FRZB: variants seen among roughly 807,000 people sequenced by gnomAD.
FRZB encodes secreted frizzled-related protein 3.
FRZB carries 34 observed loss-of-function variants against 32.5 expected under a neutral mutation model. That is an observed-to-expected ratio of 1.05 (90% CI 0.80 to 1.39). The LOEUF is 1.39. FRZB is among the 40% of genes most tolerant of loss of function. FRZB has a pLI of 0.00. For synonymous variants in FRZB, 170 were observed against 159.2 expected (o/e 1.07, Z -0.51); for missense variants, 423 against 424.8 (o/e 1.00, Z 0.04).
chr2:182,866,632 G>A lies in FRZB; in HGVS notation c.-80C>T. 9.8e-7 allele frequency: 1 copy of A among 1,019,272 alleles called. No individual in the cohort carries two copies. The highest frequency in any genetic ancestry group is 1.4e-6 in the Non-Finnish European group (1 of 730,146). The allele number at this position is 1,019,272 out of a possible 1,614,324, so 63.1% of individuals were successfully genotyped here. Reference sequence around the variant, plus strand: ...CTCCGCCGTCTCCGCCTCCCCCGCTGCAAGTGGACACAAGGATCTGGGAGC... The same window carrying A: ...CTCCGCCGTCTCCGCCTCCCCCGCTACAAGTGGACACAAGGATCTGGGAGC... On this transcript the variant is annotated 5_prime_UTR_variant, in exon 1 of 6. Transcript: ENST00000295113. This position sits in a 1 kb window ranked among gnomAD's most constrained non-coding sequence, Gnocchi z 4.5.
At chr2:182,860,112 G>A (rs944599402) in intron 1 of FRZB, among the ~76,000 whole-genome samples, 2 of 152,080 alleles carry the variant, frequency 1.3e-5, no homozygotes, top group African/African-American at 4.8e-5. Context: ...CTTGGTGAAA[G>A]GGAATCACTT....
In FRZB at chr2:182,835,096, A is replaced by G. The variant is rs1695509354; in HGVS notation, c.862-131T>C. ...TTTTGCTACTTTTCCAAAAGTATCA[A>G]TCTATTTCCCAGGGTAACAAGAAAA... On this transcript the variant is annotated intron_variant, in intron 5 of 5. Coordinates refer to ENST00000295113, the MANE Select transcript of FRZB (RefSeq NM_001463.4). 3 of 678,870 alleles carry G rather than the reference A, an allele frequency of 4.4e-6. No individual in the cohort carries two copies. In the South Asian group the frequency reaches 5.4e-5, roughly 12 times the overall value. 42.1% of individuals were successfully genotyped at this position (678,870 alleles called of 1,614,324 possible).
At chr2:182,861,528 A>G (rs1656845289) in intron 1 of FRZB, among the ~76,000 whole-genome samples, 1 of 152,234 alleles carries the variant, frequency 6.6e-6, no homozygotes, top group Non-Finnish European at 1.5e-5. Context: ...CAGTAACTTC[A>G]TATTACTATT....
chr2:182,855,535 G>C (rs1695758512), intron 2 of FRZB, among the ~76,000 whole-genome samples: 1 of 152,134 alleles, frequency 6.6e-6, no homozygotes. Flanking sequence ...GAGAGTAGGA[G>C]ATTGAACAAG....
chr2:182,858,863 T>C (rs1339855315), intron 1 of FRZB, 30 bp from the exon 2 acceptor site: 2 of 1,544,856 alleles, frequency 1.3e-6, no homozygotes, highest in Non-Finnish European at 1.8e-6. Flanking sequence ...AAAAGAACTA[T>C]AACATATCTA....
At chr2:182,854,239 T>C (rs539975786) in intron 2 of FRZB, among the ~76,000 whole-genome samples, 4 of 152,302 alleles carry the variant, frequency 2.6e-5, no homozygotes, top group African/African-American at 9.6e-5. Flanking sequence ...ACATTTATGA[T>C]TTGTGCACTT....
At chr2:182,861,043 A>G (rs1159728355) in intron 1 of FRZB, among the ~76,000 whole-genome samples, 1 of 152,130 alleles carries the variant, frequency 6.6e-6, no homozygotes, top group African/African-American at 2.4e-5. Context: ...GGAATGTATA[A>G]TCTCTACTAT....
At chr2:182,847,135 A>G (rs1322349140) in intron 2 of FRZB, among the ~76,000 whole-genome samples, 1 of 152,230 alleles carries the variant, frequency 6.6e-6, no homozygotes. Context: ...GAACAAAGAA[A>G]GTACACACAA....
Position 182,842,098 on chromosome 2 carries a change from T to C in FRZB, c.592+380A>G, listed in dbSNP as rs149198219. On this transcript the variant is annotated intron_variant, in intron 3 of 5. Transcript: ENST00000295113. Reference sequence around the variant, plus strand: ...GAGTCTTTTAACAGTTCCTTATGCATCAAAGTGCTCTGCTGTTCACTCAGT... The same window carrying C: ...GAGTCTTTTAACAGTTCCTTATGCACCAAAGTGCTCTGCTGTTCACTCAGT... Among the ~76,000 whole-genome samples, 22 of 152,272 alleles carry C rather than the reference T, an allele frequency of 1.4e-4. No homozygotes were observed. In the East Asian group the frequency reaches 4.3e-3, roughly 29 times the overall value.
At chr2:182,846,334 G>A (rs1695640299) in intron 2 of FRZB, among the ~76,000 whole-genome samples, 1 of 152,144 alleles carries the variant, frequency 6.6e-6, no homozygotes, top group African/African-American at 2.4e-5. Context: ...ATCCAGAGGT[G>A]TAAGACTATA....
intron 3 of FRZB, among the ~76,000 whole-genome samples, chr2:182,842,143 A>G (rs1172231754): frequency 6.6e-6 from 1 of 152,140 alleles, no homozygotes; most frequent in Non-Finnish European, 1.5e-5. Context: ...CTGATGGCCT[A>G]TGCAACCCAA....
At chr2:182,855,228 G>C (rs1290012693) in intron 2 of FRZB, among the ~76,000 whole-genome samples, 1 of 151,994 alleles carries the variant, frequency 6.6e-6, no homozygotes, top group African/African-American at 2.4e-5. Flanking sequence ...AAGTAAACAA[G>C]ACCCAAAGCT....
At chr2:182,854,280 A>C (rs750397190) in intron 2 of FRZB, among the ~76,000 whole-genome samples, 2 of 152,172 alleles carry the variant, frequency 1.3e-5, no homozygotes, top group Non-Finnish European at 2.9e-5. Context: ...TTAATGGTTT[A>C]TTTTATGGTA....
chr2:182,847,599 G>A (rs1215721274), intron 2 of FRZB, among the ~76,000 whole-genome samples: 1 of 152,064 alleles, frequency 6.6e-6, no homozygotes, highest in East Asian at 1.9e-4. Context: ...AGGAGAGAAA[G>A]GTACTGATAT....
chr2:182,860,238 C>T (rs1451821587), intron 1 of FRZB, among the ~76,000 whole-genome samples: 1 of 152,032 alleles, frequency 6.6e-6, no homozygotes, highest in Non-Finnish European at 1.5e-5. Flanking sequence ...AGACAGAAAA[C>T]AAAAATTTTC....
intron 2 of FRZB, among the ~76,000 whole-genome samples, chr2:182,850,212 C>T (rs1192967651): frequency 2.0e-5 from 3 of 152,126 alleles, no homozygotes; most frequent in African/African-American, 7.2e-5. Flanking sequence ...CCACATTAAA[C>T]ATTCCTCTTT....
intron 2 of FRZB, among the ~76,000 whole-genome samples, chr2:182,856,877 C>A (rs1319563173): frequency 1.3e-5 from 2 of 151,390 alleles, no homozygotes; most frequent in African/African-American, 4.9e-5. Flanking sequence ...GACCTAATCA[C>A]CCTTCTCTCG....
rs960075732 is a variant in FRZB, at chr2:182,866,605, C to T, written c.-53G>A. 69 of 1,273,732 alleles carry T rather than the reference C, an allele frequency of 5.4e-5. No individual in the cohort carries two copies. The African/African-American group carries it at 8.6e-4, about 16-fold the overall frequency. The allele number at this position is 1,273,732 out of a possible 1,614,324, so 78.9% of individuals were successfully genotyped here. A position where few individuals can be genotyped will look rare whatever the true frequency, so the allele number is the denominator to read the frequency against. On this transcript the variant is annotated 5_prime_UTR_variant, in exon 1 of 6. Coordinates refer to ENST00000295113, the MANE Select transcript of FRZB (RefSeq NM_001463.4). The surrounding 1 kb of genome is among the most constrained non-coding windows in gnomAD (Gnocchi z 4.5). ...GCCGCGCAGTGGACGCCAAAAGGCC[C>T]GCTCCGCCGTCTCCGCCTCCCCCGC...
chr2:182,845,346 T>C (rs1189768167), intron 2 of FRZB, among the ~76,000 whole-genome samples: 2 of 152,194 alleles, frequency 1.3e-5, no homozygotes, highest in Admixed American at 1.3e-4. Flanking sequence ...GATACTCTTT[T>C]TGGGGGGCCT....
Sources: gnomAD v4.1 joint callset for allele counts (sites outside exome capture counted in the v4.1 genomes callset) on GRCh38, gnomAD v4.1.1 for gene constraint, Gnocchi (gnomAD v3.1) non-coding constraint, MANE v1.5 for transcripts, NCBI Gene and HGNC (gene_info 2026-07-23, HGNC 2026-07-21) for gene names.